Variants in NRXN3 observed in about 807,000 individuals in gnomAD.
NRXN3 encodes neurexin 3, also known as neurexin III.
NRXN3 carries 32 observed loss-of-function variants against 137.6 expected under a neutral mutation model. The ratio of observed to expected loss-of-function variants is 0.23; its 90% CI spans 0.18 to 0.31. NRXN3 has a LOEUF of 0.31. Ranked by LOEUF, NRXN3 falls within the 10% of genes least tolerant of loss-of-function variation. The pLI is 1.00. For synonymous variants in NRXN3, 798 were observed against 784.5 expected (o/e 1.02, Z -0.29); for missense variants, 1,574 against 2,062.5 (o/e 0.76, Z 4.59).
intron 15 of NRXN3, among the ~76,000 whole-genome samples, chr14:79,278,870 G>A (rs1442709638): frequency 6.6e-6 from 1 of 152,212 alleles, no homozygotes; most frequent in East Asian, 1.9e-4. Flanking sequence ...CCTGGAGAGT[G>A]GTCGCCCAAG....
chr14:79,038,928 C>G (rs778428916), intron 15 of NRXN3, among the ~76,000 whole-genome samples: 3 of 151,986 alleles, frequency 2.0e-5, no homozygotes, highest in Admixed American at 1.3e-4. Flanking sequence ...TGGCTAAGAG[C>G]CCTGGAATGC....
At chr14:79,818,428 C>G (rs548194563) in intron 20 of NRXN3, among the ~76,000 whole-genome samples, 1 of 152,176 alleles carries the variant, frequency 6.6e-6, no homozygotes, top group Non-Finnish European at 1.5e-5. Context: ...CCACCTTTAA[C>G]TGATGTTAGG....
At chr14:78,493,220 A>G (rs1254990410) in intron 4 of NRXN3, among the ~76,000 whole-genome samples, 2 of 152,080 alleles carry the variant, frequency 1.3e-5, no homozygotes, top group Admixed American at 6.6e-5. Flanking sequence ...ACAAAAATAG[A>G]TTAAGAATTA....
chr14:78,937,636 T>C (rs776723789), intron 10 of NRXN3, among the ~76,000 whole-genome samples: 8 of 152,220 alleles, frequency 5.3e-5, no homozygotes, highest in Non-Finnish European at 8.8e-5. Context: ...ATTCAAAGGA[T>C]GTTTAATGAG....
At chr14:78,755,033 G>A (rs1161833882) in intron 8 of NRXN3, among the ~76,000 whole-genome samples, 1 of 151,926 alleles carries the variant, frequency 6.6e-6, no homozygotes, top group African/African-American at 2.4e-5. Context: ...GATGTCAAGA[G>A]GCTCTATGCT....
intron 12 of NRXN3, 65 bp downstream of exon 12, chr14:78,966,471 T>TGGAC: frequency 7.3e-6 from 11 of 1,511,458 alleles, no homozygotes; most frequent in Non-Finnish European, 9.8e-6. Context: ...ACGTAAAATA[T>TGGAC]GGACATAAAA....
intron 4 of NRXN3, among the ~76,000 whole-genome samples, chr14:78,373,591 G>T (rs980292524): frequency 1.3e-5 from 2 of 152,196 alleles, no homozygotes; most frequent in African/African-American, 4.8e-5. Context: ...GTGTCTCCTG[G>T]ATGGAACATA....
At chr14:79,693,410 A>C (rs1445016196) in intron 18 of NRXN3, among the ~76,000 whole-genome samples, 5 of 151,966 alleles carry the variant, frequency 3.3e-5, no homozygotes, top group Non-Finnish European at 7.4e-5. Context: ...TTTTTAATGT[A>C]TGTGGTCTAA....
At chr14:78,695,008 A>T (rs2098211899) in intron 6 of NRXN3, among the ~76,000 whole-genome samples, 1 of 152,054 alleles carries the variant, frequency 6.6e-6, no homozygotes, top group Admixed American at 6.6e-5. Flanking sequence ...AGTCAGTTTC[A>T]CTGGGCTAAA....
chr14:79,022,512 T>C (rs1223858465), intron 15 of NRXN3, among the ~76,000 whole-genome samples: 1 of 152,188 alleles, frequency 6.6e-6, no homozygotes, highest in Non-Finnish European at 1.5e-5. Context: ...TGTCATATTA[T>C]TGGGAACACA....
intron 15 of NRXN3, among the ~76,000 whole-genome samples, chr14:79,033,343 G>A (rs1367054021): frequency 6.6e-6 from 1 of 152,076 alleles, no homozygotes; most frequent in Admixed American, 6.6e-5. Context: ...CTGTCACCTG[G>A]CACAGTACCT....
At chr14:79,725,813 C>T (rs2098884037) in intron 19 of NRXN3, among the ~76,000 whole-genome samples, 1 of 152,090 alleles carries the variant, frequency 6.6e-6, no homozygotes, top group African/African-American at 2.4e-5. Context: ...AATTGTAACT[C>T]TACAGTGTTT....
Position 78,686,225 on chromosome 14 carries a change from G to T in NRXN3, c.1222-22992G>T, listed in dbSNP as rs1602424715. ...AATAACTTACTTTTCTCTCTGGCATGGCTTCCACATTTATTTGCCTAATGA... is the reference window on the plus strand; with the variant it reads ...AATAACTTACTTTTCTCTCTGGCATTGCTTCCACATTTATTTGCCTAATGA... On this transcript the variant is annotated intron_variant, in intron 6 of 20. Transcript: ENST00000335750. Among the ~76,000 whole-genome samples the T allele has an allele frequency of 2.6e-5, 4 of 152,276 alleles. No individual in the cohort carries two copies. In the South Asian group the frequency reaches 8.3e-4, roughly 32 times the overall value.
chr14:78,851,138 T>A lies in NRXN3; in HGVS notation c.2275+40794T>A, dbSNP rs552440227. ...GGTTGGTATAGTGCAGTAGATAATG[T>A]CCCTTTACTGAATTTATTATCAAAA... On this transcript the variant is annotated intron_variant, in intron 10 of 20. Transcript: ENST00000335750. Among the ~76,000 whole-genome samples, 18 of 152,280 alleles carry A rather than the reference T, an allele frequency of 1.2e-4. 1 individual carries two copies. Among genetic ancestry groups the A allele is most frequent in the African/African-American group, 4.3e-4 (18 of 41,556 alleles).
intron 1 of NRXN3, among the ~76,000 whole-genome samples, chr14:78,197,563 A>G (rs1428582926): frequency 6.6e-6 from 1 of 152,196 alleles, no homozygotes; most frequent in African/African-American, 2.4e-5. Context: ...ACTTCTGACC[A>G]TGTCTAAAGT....
chr14:78,383,806 CAGTA>C (rs2089531156), intron 4 of NRXN3, among the ~76,000 whole-genome samples: 1 of 152,248 alleles, frequency 6.6e-6, no homozygotes, highest in South Asian at 2.1e-4. Flanking sequence ...AGAAGGTACT[CAGTA>C]AGTGTTAATC....
intron 15 of NRXN3, among the ~76,000 whole-genome samples, chr14:79,097,717 T>TTA (rs1388895374): frequency 6.6e-6 from 1 of 152,168 alleles, no homozygotes; most frequent in African/African-American, 2.4e-5. Context: ...TCAATATATC[T>TTA]TATATAAGTT....
At chr14:78,471,287 A>C (rs2095261674) in intron 4 of NRXN3, among the ~76,000 whole-genome samples, 1 of 121,558 alleles carries the variant, frequency 8.2e-6, no homozygotes, top group Non-Finnish European at 1.7e-5. Flanking sequence ...TCTTCAACAC[A>C]CTCAACACAC....
intron 19 of NRXN3, among the ~76,000 whole-genome samples, chr14:79,793,241 C>G (rs1053405854): frequency 3.9e-5 from 6 of 151,956 alleles, no homozygotes; most frequent in Non-Finnish European, 1.5e-5. Flanking sequence ...ACCATCCTGG[C>G]TAACCCGGTG....
Sources: allele counts gnomAD v4.1 joint callset (sites outside exome capture counted in the v4.1 genomes callset), GRCh38; gene constraint gnomAD v4.1.1; transcripts MANE v1.5; gene names NCBI Gene and HGNC (gene_info 2026-07-23, HGNC 2026-07-21).